CATSPERE: variants seen among roughly 807,000 people sequenced by gnomAD.
CATSPERE encodes the protein cation channel sperm-associated auxiliary subunit epsilon.
In CATSPERE, 93 loss-of-function variants were observed where a neutral mutation model predicts 114.1. The ratio of observed to expected loss-of-function variants is 0.81; its 90% CI spans 0.69 to 0.97. The LOEUF is 0.97. Among genes scored for constraint, CATSPERE ranks in the 50% least tolerant of loss-of-function variants. The probability of loss-of-function intolerance (pLI) is 0.00; values close to 1 mark genes in which losing one functional copy is unlikely to be tolerated. For missense variants in CATSPERE, 1,058 were observed against 1,131.6 expected (o/e 0.93, Z 0.93); for synonymous variants, 341 against 384.1 (o/e 0.89, Z 1.31).
chr1:244,488,393 C>T (rs1671418348), intron 5 of CATSPERE, among the ~76,000 whole-genome samples: 4 of 152,128 alleles, frequency 2.6e-5, no homozygotes, highest in Admixed American at 2.6e-4. Context: ...CTTTGGCTTT[C>T]TGTCATCTGT....
Position 244,556,203 on chromosome 1 carries a change from A to AAT in CATSPERE, c.1029+3401_1029+3402dup, listed in dbSNP as rs541383031. Among the ~76,000 whole-genome samples the AAT allele has an allele frequency of 1.0e-3, 158 of 151,840 alleles. 1 individual carries two copies. The highest frequency in any genetic ancestry group is 8.3e-3 in the South Asian group (40 of 4,820). ...ACAGAATGAGACACTTTCTCTAAAG[A>AAT]ATATATATATATAAATTTAAGTGGA... On this transcript the variant is annotated intron_variant, in intron 9 of 21. Transcript: ENST00000366534.
intron 17 of CATSPERE, among the ~76,000 whole-genome samples, chr1:244,597,489 C>G (rs1305331366): frequency 6.7e-6 from 1 of 150,156 alleles, no homozygotes; most frequent in African/African-American, 2.4e-5. Context: ...CTTTCTGTTT[C>G]CTTGCTGGTA....
At chr1:244,532,555 C>T (rs930097681) in intron 8 of CATSPERE, among the ~76,000 whole-genome samples, 11 of 151,954 alleles carry the variant, frequency 7.2e-5, no homozygotes, top group East Asian at 1.9e-4. Flanking sequence ...TTCTTTCATC[C>T]GTGCCTGTTG....
chr1:244,551,850 G>A (rs936769968), intron 8 of CATSPERE, among the ~76,000 whole-genome samples: 3 of 151,936 alleles, frequency 2.0e-5, no homozygotes, highest in African/African-American at 7.2e-5. Context: ...GGATCACGAG[G>A]TCAGGAGATT....
At chr1:244,574,932 T>A (rs1427599697) in intron 11 of CATSPERE, among the ~76,000 whole-genome samples, 1 of 152,266 alleles carries the variant, frequency 6.6e-6, no homozygotes, top group Admixed American at 6.5e-5. Context: ...CTTAACTTTC[T>A]GACTTCTTTT....
At chr1:244,479,654 A>G (rs1669942702) in intron 4 of CATSPERE, 63 bp from the exon 5 acceptor site, 5 of 970,634 alleles carry the variant, frequency 5.2e-6, no homozygotes, top group Admixed American at 1.9e-5. Flanking sequence ...TTCTGTGGCT[A>G]TATCCATATT....
intron 17 of CATSPERE, among the ~76,000 whole-genome samples, chr1:244,599,617 A>G (rs767100908): frequency 6.6e-6 from 1 of 152,232 alleles, no homozygotes; most frequent in Admixed American, 6.5e-5. Context: ...GTCAAAGCAC[A>G]TTGCTCCAAA....
chr1:244,510,835 C>CTTTTTTTTTTTTT (rs747921082), intron 7 of CATSPERE, among the ~76,000 whole-genome samples: 61 of 48,312 alleles, frequency 1.3e-3, no homozygotes, highest in Non-Finnish European at 2.0e-3. Flanking sequence ...TTTTCTTTTT[C>CTTTTTTTTTTTTT]TTTTTTTTTT....
intron 8 of CATSPERE, among the ~76,000 whole-genome samples, chr1:244,521,037 C>A (rs1677456223): frequency 6.6e-6 from 1 of 152,054 alleles, no homozygotes; most frequent in South Asian, 2.1e-4. Context: ...GATGCCAAAT[C>A]CTGAATAGAA....
In CATSPERE at chr1:244,575,278, G is replaced by A. The variant is rs1044572050; in HGVS notation, c.1950+2506G>A. On this transcript the variant is annotated intron_variant, in intron 11 of 21. Transcript: ENST00000366534. The surrounding 1 kb of genome is among the most constrained non-coding windows in gnomAD (Gnocchi z 4.5). ...CCCAGAGGCTTGGCAGGTGCCTGCC[G>A]TAAGTTGTACGATCATGCTCTTTCA... Among the ~76,000 whole-genome samples, 6 of 152,338 alleles carry A rather than the reference G, an allele frequency of 3.9e-5. No homozygotes were observed. Among genetic ancestry groups the A allele is most frequent in the South Asian group, 4.1e-4 (2 of 4,824 alleles).
intron 7 of CATSPERE, among the ~76,000 whole-genome samples, chr1:244,517,019 A>G (rs971578794): frequency 2.6e-5 from 4 of 152,034 alleles, no homozygotes; most frequent in African/African-American, 9.7e-5. Context: ...GTGATAATTC[A>G]CTCAGTGAAA....
At position 244,616,771 on chromosome 1, in the gene CATSPERE, T is replaced by C. The variant is rs193049192; in HGVS notation, c.2491-758T>C. Among the ~76,000 whole-genome samples, 562 of 152,370 alleles carry C rather than the reference T, an allele frequency of 3.7e-3. 1 individual carries two copies. Among genetic ancestry groups the C allele is most frequent in the Non-Finnish European group, 5.5e-3 (373 of 68,044 alleles). The stretch of plus-strand genomic sequence containing the variant: ...TTTCCAACACATGAACTTTGAGGGA[T>C]GCATTCAAACCATAGTAACCTTGAA... On this transcript the variant is annotated intron_variant, in intron 19 of 21. Transcript: ENST00000366534.
At chr1:244,453,072 TTAAC>T (rs562403781), upstream of CATSPERE, among the ~76,000 whole-genome samples, 898 of 152,332 alleles carry the variant, frequency 5.9e-3, 10 homozygotes, top group African/African-American at 0.015. Context: ...GAACCTGCTA[TTAAC>T]TAACTAAGTG....
At chr1:244,460,462 C>G (rs1269669922), upstream of CATSPERE, among the ~76,000 whole-genome samples, 1 of 152,198 alleles carries the variant, frequency 6.6e-6, no homozygotes. Flanking sequence ...ATGATTTCAC[C>G]CCTGACCAAT....
chr1:244,481,214 G>A (rs1371991179), intron 5 of CATSPERE, among the ~76,000 whole-genome samples: 1 of 152,156 alleles, frequency 6.6e-6, no homozygotes, highest in Non-Finnish European at 1.5e-5. Context: ...ATTTTGGGAG[G>A]CCAGGGCAGG....
intron 20 of CATSPERE, among the ~76,000 whole-genome samples, chr1:244,621,039 A>AATATATATAAATATATATAAT (rs1558608462): frequency 5.3e-5 from 2 of 37,774 alleles, no homozygotes; most frequent in Non-Finnish European, 9.4e-5. Flanking sequence ...ATATATATAA[A>AATATATATAAATATATATAAT]ATATATATAT....
chr1:244,477,636 T>G (rs778903620), intron 3 of CATSPERE, 22 bp downstream of exon 3: 20 of 1,397,920 alleles, frequency 1.4e-5, no homozygotes, highest in Non-Finnish European at 1.7e-5. Context: ...GCCATGAATA[T>G]CAATGTATGT....
At chr1:244,550,790 C>A (rs931693406) in intron 8 of CATSPERE, among the ~76,000 whole-genome samples, 2 of 152,250 alleles carry the variant, frequency 1.3e-5, no homozygotes, top group African/African-American at 4.8e-5. Context: ...TTATCATCAC[C>A]AACCCAAGTA....
chr1:244,501,254 C>T (rs1673994525), intron 7 of CATSPERE, among the ~76,000 whole-genome samples: 1 of 152,192 alleles, frequency 6.6e-6, no homozygotes, highest in East Asian at 1.9e-4. Flanking sequence ...TCAAAACCTT[C>T]TTTAAAAATC....
Sources: allele counts gnomAD v4.1 joint callset (sites outside exome capture counted in the v4.1 genomes callset), GRCh38; gene constraint gnomAD v4.1.1; non-coding constraint Gnocchi (gnomAD v3.1); transcripts MANE v1.5; gene names NCBI Gene and HGNC (gene_info 2026-07-23, HGNC 2026-07-21).